The following PKNOX2 variants were observed in gnomAD, a reference collection of about 807,000 sequenced individuals.
The protein encoded by PKNOX2 is PBX/knotted 1 homeobox 2.
PKNOX2 carries 14 observed loss-of-function variants against 53.1 expected under a neutral mutation model. That is an observed-to-expected ratio of 0.26 (90% CI 0.17 to 0.41). The LOEUF (loss-of-function observed/expected upper bound fraction) is 0.41, where lower values mean the gene tolerates loss of function less well. PKNOX2 is among the 10% of genes least tolerant of loss of function. The probability of loss-of-function intolerance (pLI) is 1.00; values close to 1 mark genes in which losing one functional copy is unlikely to be tolerated. For missense variants in PKNOX2, 496 were observed against 602.8 expected (o/e 0.82, Z 1.85); for synonymous variants, 257 against 242.8 (o/e 1.06, Z -0.54).
At chr11:125,380,577 C>T (rs1375361683) in intron 5 of PKNOX2, among the ~76,000 whole-genome samples, 1 of 152,188 alleles carries the variant, frequency 6.6e-6, no homozygotes, top group Non-Finnish European at 1.5e-5. Flanking sequence ...CACCAAGTGT[C>T]CACATCTCTG....
Position 125,265,936 on chromosome 11 carries a change from A to C in PKNOX2, c.-130+30821A>C, listed in dbSNP as rs565950903. Among the ~76,000 whole-genome samples, 4 of 152,278 alleles carry C rather than the reference A, an allele frequency of 2.6e-5. No homozygotes were observed. In the East Asian group the frequency reaches 5.8e-4, roughly 22 times the overall value. Reference sequence around the variant, plus strand: ...AACTTCCCAAAGGCCCTGAGTGTGCATGACACCCGCCCATCAGGAGACAGC... The same window carrying C: ...AACTTCCCAAAGGCCCTGAGTGTGCCTGACACCCGCCCATCAGGAGACAGC... On this transcript the variant is annotated intron_variant, in intron 2 of 12. Transcript: ENST00000298282.
Position 125,431,153 on chromosome 11 carries a change from CT to C in PKNOX2, c.1193-10del. ...AGCCCCTGCCTCGTCCTGACCCTTG[CT>C]TTCTCTCGCAGGTTCCATCAACTTG... On this transcript the variant is annotated splice_polypyrimidine_tract_variant and intron_variant, in intron 12 of 12. Transcript: ENST00000298282. The C allele has an allele frequency of 6.2e-7, 1 of 1,612,178 alleles. No individual in the cohort carries two copies. The highest frequency in any genetic ancestry group is 8.5e-7 in the Non-Finnish European group (1 of 1,179,314).
intron 5 of PKNOX2, among the ~76,000 whole-genome samples, chr11:125,376,848 T>C (rs1164436025): frequency 6.6e-6 from 1 of 152,184 alleles, no homozygotes; most frequent in East Asian, 1.9e-4. Context: ...ACGACTGTGC[T>C]TAGTAGAGTT....
chr11:125,166,939 A>G lies in PKNOX2; in HGVS notation c.-201+2163A>G, dbSNP rs762085125. 6.6e-6 allele frequency among the ~76,000 whole-genome samples: 1 copy of G among 152,104 alleles called. No homozygotes were observed. The highest frequency in any genetic ancestry group is 1.5e-5 in the Non-Finnish European group (1 of 68,014). Reference sequence around the variant, plus strand: ...CCTCCCCGCCCCAAATCTGAGAATGATGGTGTTCAAACATAACACGGTGTA... The same window carrying G: ...CCTCCCCGCCCCAAATCTGAGAATGGTGGTGTTCAAACATAACACGGTGTA... On this transcript the variant is annotated intron_variant, in intron 1 of 12. Coordinates refer to ENST00000298282, the MANE Select transcript of PKNOX2 (RefSeq NM_001382323.2). The surrounding 1 kb of genome is among the most constrained non-coding windows in gnomAD (Gnocchi z 4.0).
At chr11:125,189,355 T>TTTTA (rs1956643031) in intron 1 of PKNOX2, among the ~76,000 whole-genome samples, 1 of 122,280 alleles carries the variant, frequency 8.2e-6, no homozygotes, top group Non-Finnish European at 1.7e-5. Context: ...GAAATTCTAA[T>TTTTA]TATATATATA....
rs1236651310 is a variant in PKNOX2, at chr11:125,431,893, C to G, written c.*501C>G. 1 of 161,766 alleles carries G rather than the reference C, an allele frequency of 6.2e-6. No homozygotes were observed. Among genetic ancestry groups the G allele is most frequent in the African/African-American group, 2.4e-5 (1 of 41,602 alleles). 10.0% of individuals were successfully genotyped at this position (161,766 alleles called of 1,614,324 possible). ...GACATTCAAGGGCAGGAGGGAGCCC[C>G]AAAGCATAACCAGTGGCCAGAGGAG... On this transcript the variant is annotated 3_prime_UTR_variant, in exon 13 of 13. Transcript: ENST00000298282.
chr11:125,189,879 C>G (rs1956766335), intron 1 of PKNOX2: 1 of 151,834 alleles, frequency 6.6e-6, no homozygotes, highest in African/African-American at 2.4e-5. Flanking sequence ...CTGGATGGTT[C>G]TGGTTTAAAT....
rs968210859 is a variant in PKNOX2 at position 125,253,056 on chromosome 11, G to C, written c.-130+17941G>C. On this transcript the variant is annotated intron_variant, in intron 2 of 12. Coordinates refer to ENST00000298282, the MANE Select transcript of PKNOX2 (RefSeq NM_001382323.2). The stretch of plus-strand genomic sequence containing the variant: ...TGCACAGTCAAGAACGAGTAGGAAG[G>C]CCCTTCCTGATATGTTTGGGTTGGA... Among the ~76,000 whole-genome samples, 7 of 152,290 alleles carry C rather than the reference G, an allele frequency of 4.6e-5. No individual in the cohort carries two copies. The East Asian group carries it at 1.4e-3, about 29-fold the overall frequency.
intron 10 of PKNOX2, among the ~76,000 whole-genome samples, chr11:125,412,916 A>T (rs536980580): frequency 3.3e-5 from 5 of 152,318 alleles, no homozygotes; most frequent in Admixed American, 3.3e-4. Context: ...GAAGCCATGG[A>T]GACCAGGCCT....
intron 5 of PKNOX2, among the ~76,000 whole-genome samples, chr11:125,380,015 G>T: frequency 8.6e-6 from 1 of 116,870 alleles, no homozygotes; most frequent in Non-Finnish European, 1.8e-5. Flanking sequence ...TGGAGGGTGG[G>T]ATGGGGGACT....
intron 3 of PKNOX2, among the ~76,000 whole-genome samples, chr11:125,340,208 A>G (rs1298139166): frequency 6.6e-6 from 1 of 152,222 alleles, no homozygotes. Flanking sequence ...GATGTACAAA[A>G]GCCCAGGCTC....
At chr11:125,274,465 C>T (rs1946027393) in intron 2 of PKNOX2, among the ~76,000 whole-genome samples, 1 of 152,188 alleles carries the variant, frequency 6.6e-6, no homozygotes, top group Non-Finnish European at 1.5e-5. Context: ...AGGTGCCCTG[C>T]CAGCTCATAT....
intron 2 of PKNOX2, among the ~76,000 whole-genome samples, chr11:125,256,055 C>G (rs1186270528): frequency 6.6e-6 from 1 of 152,132 alleles, no homozygotes; most frequent in Middle Eastern, 3.4e-3. Context: ...GTTCTCCAAT[C>G]TCAGGAAATG....
chr11:125,428,272 A>C (rs1956524231), intron 10 of PKNOX2, among the ~76,000 whole-genome samples: 1 of 152,030 alleles, frequency 6.6e-6, no homozygotes, highest in South Asian at 2.1e-4. Flanking sequence ...CAGTCCTATA[A>C]AGTGGCATCA....
At chr11:125,305,615 G>T (rs1205720783) in intron 2 of PKNOX2, among the ~76,000 whole-genome samples, 1 of 152,202 alleles carries the variant, frequency 6.6e-6, no homozygotes. Context: ...ATTTTAATGT[G>T]CTCAAAGAAA....
chr11:125,320,146 G>C (rs1398918837), intron 2 of PKNOX2, among the ~76,000 whole-genome samples: 1 of 152,232 alleles, frequency 6.6e-6, no homozygotes, highest in African/African-American at 2.4e-5. Context: ...GTGAGCAGAA[G>C]TCTATAGAAT....
intron 2 of PKNOX2, among the ~76,000 whole-genome samples, chr11:125,331,407 A>G (rs56388057): frequency 0.13 from 19,086 of 144,016 alleles, 1,502 homozygotes; most frequent in African/African-American, 0.23. Context: ...CAACTTATCC[A>G]CACTCCTGGC....
At chr11:125,417,180 T>G (rs1165200110) in intron 10 of PKNOX2, among the ~76,000 whole-genome samples, 1 of 152,008 alleles carries the variant, frequency 6.6e-6, no homozygotes, top group East Asian at 1.9e-4. Context: ...AGGTAGGCAC[T>G]GTTCCCCATC....
chr11:125,420,662 C>T (rs1312650869), intron 10 of PKNOX2, among the ~76,000 whole-genome samples: 1 of 152,144 alleles, frequency 6.6e-6, no homozygotes, highest in African/African-American at 2.4e-5. Flanking sequence ...CCTCTCTAAG[C>T]CTCTCTATCT....
Sources: gnomAD v4.1 joint callset for allele counts (sites outside exome capture counted in the v4.1 genomes callset) on GRCh38, gnomAD v4.1.1 for gene constraint, Gnocchi (gnomAD v3.1) non-coding constraint, MANE v1.5 for transcripts, NCBI Gene and HGNC (gene_info 2026-07-23, HGNC 2026-07-21) for gene names.